The following MAST2 variants were observed in gnomAD, a reference collection of about 807,000 sequenced individuals.
The protein encoded by MAST2 is microtubule-associated serine/threonine-protein kinase 2.
A neutral mutation model predicts 147.4 loss-of-function variants in MAST2; 70 were observed. The observed-to-expected ratio is 0.47, with a 90% CI of 0.39 to 0.58. The LOEUF is 0.58. Among genes scored for constraint, MAST2 ranks in the 20% least tolerant of loss-of-function variants. The pLI is 0.00. For synonymous variants in MAST2, 869 were observed against 896.8 expected (o/e 0.97, Z 0.55); for missense variants, 2,080 against 2,302.3 (o/e 0.90, Z 1.98).
chr1:45,909,396 A>C (rs991984932), intron 4 of MAST2, among the ~76,000 whole-genome samples: 8 of 152,172 alleles, frequency 5.3e-5, no homozygotes, highest in African/African-American at 1.9e-4. Flanking sequence ...TAAACCTATA[A>C]ATTTTCCATT....
chr1:46,002,741 C>A, intron 6 of MAST2, 64 bp from the exon 7 acceptor site: 2 of 1,429,186 alleles, frequency 1.4e-6, no homozygotes, highest in Non-Finnish European at 9.9e-7. Flanking sequence ...GATGAACAGA[C>A]AGGCAGGTTG....
At chr1:45,959,088 T>C (rs928194806) in intron 4 of MAST2, among the ~76,000 whole-genome samples, 2 of 152,214 alleles carry the variant, frequency 1.3e-5, no homozygotes, top group African/African-American at 4.8e-5. Context: ...GTTTAAAACA[T>C]GGTTTTTGCC....
At chr1:46,020,407 G>A (rs1646135762) in intron 11 of MAST2, among the ~76,000 whole-genome samples, 1 of 152,148 alleles carries the variant, frequency 6.6e-6, no homozygotes, top group South Asian at 2.1e-4. Context: ...GGTAGGCTGT[G>A]ACAGGGTCAT....
At chr1:45,940,087 G>T (rs990931443) in intron 4 of MAST2, among the ~76,000 whole-genome samples, 1 of 135,126 alleles carries the variant, frequency 7.4e-6, no homozygotes, top group Non-Finnish European at 1.5e-5. Flanking sequence ...CCCCACCCCG[G>T]GTTCAAGTGA....
At position 46,028,823 on chromosome 1, in the gene MAST2, G is replaced by A; in HGVS notation, c.2108G>A (p.Gly703Glu). Residue 703 changes from glycine to glutamate, a missense_variant, in exon 18 of 29, where the codon GGG (glycine) becomes GAG (glutamate). By Grantham distance (98) the Gly-to-Glu change is moderately conservative. This residue lies in a region of MAST2 where 209 missense variants were observed against 309.5 expected (regional missense o/e 0.68). Coordinates refer to ENST00000361297, the MANE Select transcript of MAST2 (RefSeq NM_015112.3). ...APEVILRQGYGKPVDWWAMGI... is the reference protein window; with the variant it reads ...APEVILRQGYEKPVDWWAMGI... The stretch of plus-strand genomic sequence containing the variant: ...GAGGTGATCCTGCGCCAGGGCTATG[G>A]GAAGCCAGTGGACTGGTGGGCCATG... 3.7e-6 allele frequency: 6 copies of A among 1,614,186 alleles called. No individual in the cohort carries two copies. Among genetic ancestry groups the A allele is most frequent in the Non-Finnish European group, 4.2e-6 (5 of 1,180,040 alleles).
chr1:45,997,980 TTGCTTTATAGGTGCCCCA>T lies in MAST2; in HGVS notation c.668+184_668+201del, dbSNP rs1187381397. On this transcript the variant is annotated intron_variant, in intron 6 of 28. Coordinates refer to ENST00000361297, the MANE Select transcript of MAST2 (RefSeq NM_015112.3). ...AGGTTGTAATGATCGTGTTCTGGTT[TTGCTTTATAGGTGCCCCA>T]TGTATTTGTGTTTGAATGTTTAAAC... Among the ~76,000 whole-genome samples the T allele has an allele frequency of 2.6e-5, 4 of 152,334 alleles. No individual in the cohort carries two copies. In the East Asian group the frequency reaches 7.7e-4, roughly 29 times the overall value.
chr1:45,947,076 A>G (rs1294653751), intron 4 of MAST2, among the ~76,000 whole-genome samples: 1 of 152,172 alleles, frequency 6.6e-6, no homozygotes, highest in Non-Finnish European at 1.5e-5. Flanking sequence ...AAATAATGTT[A>G]TTATTTTATC....
chr1:45,873,974 A>G (rs953081776), intron 3 of MAST2, among the ~76,000 whole-genome samples: 11 of 152,046 alleles, frequency 7.2e-5, no homozygotes, highest in African/African-American at 2.7e-4. Context: ...GCACATGCCA[A>G]TATGCCCAGC....
At chr1:45,962,016 C>T (rs558167148) in intron 5 of MAST2, among the ~76,000 whole-genome samples, 36 of 151,162 alleles carry the variant, frequency 2.4e-4, no homozygotes, top group East Asian at 9.8e-4. Flanking sequence ...TGAGAACATT[C>T]GGTGTTTGGT....
At chr1:45,813,391 G>T (rs1008485910) in intron 1 of MAST2, among the ~76,000 whole-genome samples, 17 of 151,344 alleles carry the variant, frequency 1.1e-4, no homozygotes, top group African/African-American at 4.1e-4. Context: ...GTGCAGTGGT[G>T]CGATCTCAGC....
intron 3 of MAST2, among the ~76,000 whole-genome samples, chr1:45,878,506 AT>A (rs1646703488): frequency 6.6e-6 from 1 of 152,178 alleles, no homozygotes; most frequent in Admixed American, 6.5e-5. Flanking sequence ...CAAGACGAGG[AT>A]GTCTACCACT....
At chr1:45,827,032 G>T (rs1309183577) in intron 2 of MAST2, among the ~76,000 whole-genome samples, 14 of 151,980 alleles carry the variant, frequency 9.2e-5, no homozygotes, top group African/African-American at 3.4e-4. Flanking sequence ...GTTTCACTAT[G>T]TTGGCCAGAA....
chr1:45,827,832 T>C (rs144709851), intron 2 of MAST2, among the ~76,000 whole-genome samples: 1 of 152,272 alleles, frequency 6.6e-6, no homozygotes, highest in East Asian at 1.9e-4. Flanking sequence ...CTTTCCTTTT[T>C]TTAAATTTTT....
At chr1:45,863,438 A>C (rs1350241806) in intron 3 of MAST2, among the ~76,000 whole-genome samples, 1 of 152,216 alleles carries the variant, frequency 6.6e-6, no homozygotes, top group East Asian at 1.9e-4. Context: ...GAATCCGTGG[A>C]AATGTGGATT....
chr1:45,965,034 T>C (rs1221862034), intron 5 of MAST2, among the ~76,000 whole-genome samples: 1 of 152,176 alleles, frequency 6.6e-6, no homozygotes, highest in African/African-American at 2.4e-5. Context: ...CGATTTTGAG[T>C]GAGTTTCTTA....
chr1:45,902,826 A>G (rs931815488), intron 4 of MAST2, among the ~76,000 whole-genome samples: 17 of 152,042 alleles, frequency 1.1e-4, no homozygotes, highest in Non-Finnish European at 2.1e-4. Context: ...ATCAGTTGTA[A>G]TGCCACTTTT....
intron 4 of MAST2, among the ~76,000 whole-genome samples, chr1:45,894,291 C>G (rs1388433158): frequency 6.6e-6 from 1 of 151,768 alleles, no homozygotes. Context: ...TTGGGAAAGA[C>G]AAATCTTCAA....
At chr1:45,923,383 T>C (rs1176524824) in intron 4 of MAST2, among the ~76,000 whole-genome samples, 1 of 152,230 alleles carries the variant, frequency 6.6e-6, no homozygotes, top group Non-Finnish European at 1.5e-5. Flanking sequence ...ATCACTGTAA[T>C]GTTTCTGATG....
chr1:45,927,107 G>T (rs536552331), intron 4 of MAST2, among the ~76,000 whole-genome samples: 67 of 152,142 alleles, frequency 4.4e-4, no homozygotes, highest in Admixed American at 3.9e-3. Flanking sequence ...TTTTATTAGG[G>T]ATTTTCAAAA....
Sources: allele counts gnomAD v4.1 joint callset (sites outside exome capture counted in the v4.1 genomes callset), GRCh38; gene constraint gnomAD v4.1.1; regional missense constraint gnomAD v4.1.1; transcripts MANE v1.5; gene names NCBI Gene and HGNC (gene_info 2026-07-23, HGNC 2026-07-21).